Variants in PDLIM2 observed in about 807,000 individuals in gnomAD.
The protein encoded by PDLIM2 is PDZ and LIM domain protein 2.
In PDLIM2, 51 loss-of-function variants were observed where a neutral mutation model predicts 54.1. The observed-to-expected ratio is 0.94, with a 90% CI of 0.75 to 1.19. The LOEUF (loss-of-function observed/expected upper bound fraction) is 1.19, where lower values mean the gene tolerates loss of function less well. Ranked by LOEUF, PDLIM2 falls within the 50% of genes most tolerant of loss-of-function variation. The pLI, the probability that PDLIM2 is intolerant of heterozygous loss-of-function variation, is 0.00. For missense variants in PDLIM2, 912 were observed against 874.0 expected, an observed-to-expected ratio of 1.04 and a Z score of -0.55; for synonymous variants, 398 against 385.6, an observed-to-expected ratio of 1.03 and a Z score of -0.38.
intron 1 of PDLIM2, 195 bp from the exon 1 acceptor site, chr8:22,580,280 C>G (rs1800149710): frequency 2.5e-6 from 1 of 403,778 alleles, no homozygotes; most frequent in Non-Finnish European, 4.6e-6. Flanking sequence ...CTGGCATCCC[C>G]TCCACTTGCC....
chr8:22,594,880 C>G (rs948194695), downstream of PDLIM2: 2 of 488,752 alleles, frequency 4.1e-6, no homozygotes, highest in East Asian at 3.8e-5. Context: ...AAGCTGTGAT[C>G]ATGCCACTGC....
At position 22,584,843 on chromosome 8, in the gene PDLIM2, C is replaced by T; in HGVS notation, c.1018C>T (p.Gln340Ter). 6.2e-7 allele frequency: 1 copy of T among 1,614,156 alleles called. No individual in the cohort carries two copies. Among genetic ancestry groups the T allele is most frequent in the Non-Finnish European group, 8.5e-7 (1 of 1,180,026 alleles). The change falls in exon 4 of 10, where the codon CAG (glutamine) becomes TAG (stop). Residue 340 changes from glutamine to a stop codon, truncating the protein, a stop_gained. Coordinates refer to ENST00000308354, the Ensembl canonical transcript of PDLIM2. LOFTEE classifies it high-confidence loss of function. ...CAGGTCTCAGGCTACGTCTCCAGGG[C>T]AGACCAATGGGGACAGCTCCTTGGA... is the stretch of plus-strand genomic sequence containing the variant.
chr8:22,585,068 T>C (rs763539020), exon 5 of PDLIM2: 2 of 1,613,998 alleles, frequency 1.2e-6, no homozygotes, highest in East Asian at 4.5e-5. Context: ...GTCCTCCTAC[T>C]CCAGCCCAAC....
chr8:22,586,617 C>G (rs943234504), intron 6 of PDLIM2, among the ~76,000 whole-genome samples: 3 of 151,960 alleles, frequency 2.0e-5, no homozygotes, highest in African/African-American at 4.8e-5. Flanking sequence ...TAGGGGGAAC[C>G]TTTGTTCTGA....
At chr8:22,592,011 C>T in intron 9 of PDLIM2, 1 of 190,742 alleles carries the variant, frequency 5.2e-6, no homozygotes, top group Non-Finnish European at 1.1e-5. Flanking sequence ...CCCTTTGGAG[C>T]AGGCTGCATT....
intron 9 of PDLIM2, 132 bp downstream of exon 8, chr8:22,591,800 GGAAGCAGT>G: frequency 1.2e-6 from 1 of 803,524 alleles, no homozygotes; most frequent in Non-Finnish European, 1.9e-6. Flanking sequence ...GGACTCTAGG[GGAAGCAGT>G]GTTGCACAGC....
rs1026481615 is a variant in PDLIM2, at chr8:22,589,084, C to T, written c.1291-214C>T. 4 of 591,784 alleles carry T rather than the reference C, an allele frequency of 6.8e-6. No individual in the cohort carries two copies. In the African/African-American group the frequency reaches 7.7e-5, roughly 11 times the overall value. 36.7% of individuals were successfully genotyped at this position (591,784 alleles called of 1,614,324 possible). A position where few individuals can be genotyped will look rare whatever the true frequency, so the allele number is the denominator to read the frequency against. Reference sequence around the variant, plus strand: ...CTCTGGACCCTGGCAGTCTCTGCGCCCTGGCTCCGAGGGAAGGGGCAGGGG... The same window carrying T: ...CTCTGGACCCTGGCAGTCTCTGCGCTCTGGCTCCGAGGGAAGGGGCAGGGG... On this transcript the variant is annotated intron_variant, in intron 6 of 9. Transcript: ENST00000308354.
intron 9 of PDLIM2, 187 bp from the exon 9 acceptor site, chr8:22,593,546 C>T: frequency 6.9e-6 from 4 of 583,244 alleles, no homozygotes; most frequent in Non-Finnish European, 1.2e-5. Context: ...CATTGTATTC[C>T]AGCCTGGGCA....
chr8:22,585,080 T>A, exon 5 of PDLIM2: 1 of 1,613,810 alleles, frequency 6.2e-7, no homozygotes, highest in Non-Finnish European at 8.5e-7. Flanking sequence ...CAGCCCAACC[T>A]CCCTCAGCCC....
intron 3 of PDLIM2, among the ~76,000 whole-genome samples, chr8:22,583,096 G>A (rs146001947): frequency 3.9e-4 from 59 of 152,074 alleles, no homozygotes; most frequent in African/African-American, 1.3e-3. Flanking sequence ...GCAGCCTCAC[G>A]GCCAGGAATG....
chr8:22,584,170 A>AT (rs573417233), intron 3 of PDLIM2, among the ~76,000 whole-genome samples: 24,894 of 139,586 alleles, frequency 0.18, 2,327 homozygotes, highest in Middle Eastern at 0.29. Flanking sequence ...GCTTGGCTAA[A>AT]TTTTTTTTTT....
In PDLIM2 at chr8:22,585,558, C is replaced by T; in HGVS notation, c.1290+159C>T. The T allele has an allele frequency of 2.8e-6, 2 of 727,246 alleles. 1 individual carries two copies. The highest frequency in any genetic ancestry group is 3.7e-5 in the South Asian group (2 of 54,634). 45.0% of individuals were successfully genotyped at this position (727,246 alleles called of 1,614,324 possible). On this transcript the variant is annotated intron_variant, in intron 6 of 9. Transcript: ENST00000308354. Reference sequence around the variant, plus strand: ...TGCTCTGCTCCTGAGCCAGGGAGGCCATGCTTCTGGTCGTGGGCCACCTGT... The same window carrying T: ...TGCTCTGCTCCTGAGCCAGGGAGGCTATGCTTCTGGTCGTGGGCCACCTGT...
intron 5 of PDLIM2, 28 bp downstream of exon 4, chr8:22,585,190 G>C: frequency 1.2e-6 from 2 of 1,610,182 alleles, no homozygotes; most frequent in Non-Finnish European, 1.7e-6. Context: ...TGGGTACCCT[G>C]GTCGCCTGCG....
chr8:22,578,878 C>T, exon 1 of PDLIM2: 1 of 1,236,986 alleles, frequency 8.1e-7, no homozygotes, highest in Non-Finnish European at 1.0e-6. Flanking sequence ...TGGACCGGCT[C>T]TGCTGTGCTC....
At position 22,579,334 on chromosome 8, in the gene PDLIM2, C is replaced by CT. The variant is rs1267262192; in HGVS notation, c.556dup (p.Trp186LeufsTer42). Reference sequence around the variant, plus strand: ...CTGGCCTCGTCCGCGGCCCAGCTCCCTGGAGCCTCGCATCAGCGGGGGCGC... The same window carrying CT: ...CTGGCCTCGTCCGCGGCCCAGCTCCCTTGGAGCCTCGCATCAGCGGGGGCGC... On this transcript the variant is annotated frameshift_variant, in exon 1 of 10. Transcript: ENST00000308354. LOFTEE classifies it high-confidence loss of function. 6.8e-7 allele frequency: 1 copy of CT among 1,460,276 alleles called. No homozygotes were observed. Among genetic ancestry groups the CT allele is most frequent in the Non-Finnish European group, 9.0e-7 (1 of 1,113,374 alleles). 90.5% of individuals were successfully genotyped at this position (1,460,276 alleles called of 1,614,324 possible).
chr8:22,578,755 A>C, exon 1 of PDLIM2: 2 of 1,233,598 alleles, frequency 1.6e-6, no homozygotes, highest in Non-Finnish European at 2.0e-6. Flanking sequence ...ACACCCAGGC[A>C]GCCCACCCTG....
intron 8 of PDLIM2, 153 bp from the exon 8 acceptor site, chr8:22,591,398 A>G: frequency 1.4e-6 from 1 of 709,232 alleles, no homozygotes; most frequent in Non-Finnish European, 2.5e-6. Context: ...TGGATCTGGC[A>G]AGATCACCTT....
At chr8:22,591,762 CAG>C (rs1216321916) in intron 9 of PDLIM2, 94 bp downstream of exon 8, 2 of 1,179,340 alleles carry the variant, frequency 1.7e-6, no homozygotes, top group African/African-American at 1.5e-5. Flanking sequence ...CCGGGCCCAT[CAG>C]GGGCTAGCAC....
At chr8:22,594,589 G>A (rs534979470), downstream of PDLIM2, 22 of 1,613,960 alleles carry the variant, frequency 1.4e-5, no homozygotes, top group Non-Finnish European at 1.8e-5. Context: ...AGGGGATGGT[G>A]GAGGGCGCCA....
Sources: gnomAD v4.1 joint callset for allele counts (sites outside exome capture counted in the v4.1 genomes callset) on GRCh38, gnomAD v4.1.1 for gene constraint, MANE v1.5 for transcripts, NCBI Gene and HGNC (gene_info 2026-07-23, HGNC 2026-07-21) for gene names.